Variants in ARHGAP8 observed in about 807,000 individuals in gnomAD.
The protein encoded by ARHGAP8 is rho GTPase-activating protein 8.
In ARHGAP8, 62 loss-of-function variants were observed where a neutral mutation model predicts 46.1. The observed-to-expected ratio is 1.34, with a 90% CI of 1.10 to 1.66. The LOEUF (loss-of-function observed/expected upper bound fraction) is 1.66, where lower values mean the gene tolerates loss of function less well. Ranked by LOEUF, ARHGAP8 falls within the 40% of genes most tolerant of loss-of-function variation. The pLI is 0.00. For synonymous variants in ARHGAP8, 375 were observed against 243.1 expected (o/e 1.54, Z -5.05); for missense variants, 923 against 568.4 (o/e 1.62, Z -6.34).
At chr22:44,815,344 G>C (rs533835585) in intron 5 of ARHGAP8, among the ~76,000 whole-genome samples, 1 of 152,084 alleles carries the variant, frequency 6.6e-6, no homozygotes, top group Non-Finnish European at 1.5e-5. Flanking sequence ...GCATCCACCC[G>C]GCTGACCTCA....
At position 44,831,303 on chromosome 22, in the gene ARHGAP8, G is replaced by T. The variant is rs547330061; in HGVS notation, c.596+5710G>T. On this transcript the variant is annotated intron_variant, in intron 7 of 11. Coordinates refer to ENST00000356099, the MANE Select transcript of ARHGAP8 (RefSeq NM_181335.3). ...CAAGAGTTTTACCACTTAGGGGTTA[G>T]ATTTGGGTCTTTGATACATTTTGAG... Among the ~76,000 whole-genome samples the T allele has an allele frequency of 4.6e-4, 70 of 152,308 alleles. 1 individual carries two copies. Among genetic ancestry groups the T allele is most frequent in the Non-Finnish European group, 7.9e-4 (54 of 68,030 alleles).
In ARHGAP8 at chr22:44,849,074, C is replaced by G. The variant is rs2070032549; in HGVS notation, c.877+14C>G. On this transcript the variant is annotated intron_variant, in intron 10 of 11. Coordinates refer to ENST00000356099, the MANE Select transcript of ARHGAP8 (RefSeq NM_181335.3). Reference sequence around the variant, plus strand: ...TCGGGATCACCTGTGCGTAGCTGCCCTGGCGCAGGGGTGGGGGGCTTGGTC... The same window carrying G: ...TCGGGATCACCTGTGCGTAGCTGCCGTGGCGCAGGGGTGGGGGGCTTGGTC... 6.2e-7 allele frequency: 1 copy of G among 1,613,502 alleles called. No homozygotes were observed. Among genetic ancestry groups the G allele is most frequent in the Non-Finnish European group, 8.5e-7 (1 of 1,179,962 alleles).
intron 1 of ARHGAP8, among the ~76,000 whole-genome samples, chr22:44,764,508 G>C (rs1925400413): frequency 6.6e-6 from 1 of 152,224 alleles, no homozygotes; most frequent in African/African-American, 2.4e-5. Context: ...GTTCCTTCAT[G>C]TGTTTGACAT....
Position 44,846,168 on chromosome 22 carries a change from A to T in ARHGAP8, c.670+826A>T, listed in dbSNP as rs1602257969. On this transcript the variant is annotated intron_variant, in intron 8 of 11. Transcript: ENST00000356099. ...CGGACTCAGCACCGTGGGCCCCGAG[A>T]CCCCGCCACCGTGTGGTCCCTTGGC... Among the ~76,000 whole-genome samples, 7 of 152,060 alleles carry T rather than the reference A, an allele frequency of 4.6e-5. No homozygotes were observed. In the South Asian group the frequency reaches 1.0e-3, roughly 23 times the overall value.
chr22:44,829,283 TCC>T (rs1930768616), intron 7 of ARHGAP8, among the ~76,000 whole-genome samples: 2 of 140,766 alleles, frequency 1.4e-5, no homozygotes, highest in African/African-American at 2.7e-5. Context: ...AGAGCGAGAC[TCC>T]CTCTCAAAAA....
intron 11 of ARHGAP8, among the ~76,000 whole-genome samples, 182 bp from the exon 12 acceptor site, chr22:44,862,093 G>T (rs140132091): frequency 2.6e-5 from 4 of 152,324 alleles, no homozygotes; most frequent in Non-Finnish European, 5.9e-5. Context: ...TCCTTTTAGA[G>T]ATAGGGTAAC....
In ARHGAP8 at chr22:44,848,024, G is replaced by T. The variant is rs138302998; in HGVS notation, c.722G>T (p.Arg241Leu). 19 of 1,607,662 alleles carry T rather than the reference G, an allele frequency of 1.2e-5. No individual in the cohort carries two copies. The highest frequency in any genetic ancestry group is 1.6e-5 in the Non-Finnish European group (19 of 1,179,962). ...AGATCCGCCAGCGTGCAGACCGTCC[G>T]CGAGATCCAGAGGCTCTACAACCAA... is the stretch of plus-strand genomic sequence containing the variant. ...FRRSASVQTV[R>L]EIQRLYNQGK... is the part of the protein sequence containing the mutation. Residue 241 changes from arginine to leucine, a missense_variant, in exon 9 of 12, where the codon CGC becomes CTC. Transcript: ENST00000356099.
intron 1 of ARHGAP8, among the ~76,000 whole-genome samples, chr22:44,768,558 C>T (rs1022473835): frequency 3.9e-5 from 6 of 152,018 alleles, no homozygotes. Flanking sequence ...TCTCCCGCCT[C>T]AGCCTCCCAA....
In ARHGAP8 at chr22:44,862,387, C is replaced by T. The variant is rs753550836; in HGVS notation, c.1094C>T (p.Pro365Leu). 3.1e-6 allele frequency: 5 copies of T among 1,614,150 alleles called. No homozygotes were observed. Among genetic ancestry groups the T allele is most frequent in the Non-Finnish European group, 4.2e-6 (5 of 1,180,010 alleles). Residue 365 changes from proline (P) to leucine (L), a missense_variant, in exon 12 of 12, where the codon CCC (proline) becomes CTC (leucine). Physicochemically the swap from Pro to Leu is moderately conservative, Grantham distance 98. Coordinates refer to ENST00000356099, the MANE Select transcript of ARHGAP8 (RefSeq NM_181335.3). Reference protein sequence around the residue: ...QGVSSLSALVPLNMFTELLIE... With the variant: ...QGVSSLSALVLLNMFTELLIE... ...GTCTCCTCCCTGAGTGCCCTTGTGC[C>T]CCTGAACATGTTCACTGAACTGCTG...
intron 8 of ARHGAP8, 22 bp downstream of exon 8, chr22:44,845,364 C>G: frequency 1.2e-6 from 2 of 1,613,814 alleles, no homozygotes; most frequent in Non-Finnish European, 1.7e-6. Flanking sequence ...CCGGCTCCAG[C>G]TGGATGACGT....
Position 44,851,269 on chromosome 22 carries a change from C to T in ARHGAP8, c.877+2209C>T, listed in dbSNP as rs1246171867. On this transcript the variant is annotated intron_variant, in intron 10 of 11. Coordinates refer to ENST00000356099, the MANE Select transcript of ARHGAP8 (RefSeq NM_181335.3). ...TTGGGAAGGAAAAAATCCTTTCCTG[C>T]TACCCGTCTTAGGTTCATTGGTGGG... 3.9e-5 allele frequency among the ~76,000 whole-genome samples: 6 copies of T among 152,188 alleles called. 1 individual carries two copies. Among genetic ancestry groups the T allele is most frequent in the Admixed American group, 3.9e-4 (6 of 15,272 alleles).
At chr22:44,809,760 A>G (rs1236022254) in intron 4 of ARHGAP8, 2 of 152,926 alleles carry the variant, frequency 1.3e-5, no homozygotes, top group East Asian at 3.8e-4. Flanking sequence ...TGGATATCCT[A>G]GATTCCTCTG....
At chr22:44,813,037 A>C (rs1929448372) in intron 4 of ARHGAP8, among the ~76,000 whole-genome samples, 1 of 152,058 alleles carries the variant, frequency 6.6e-6, no homozygotes, top group Admixed American at 6.5e-5. Flanking sequence ...CTGGCACAGG[A>C]TATGCCAGGC....
At chr22:44,839,211 T>C (rs1931487825) in intron 7 of ARHGAP8, among the ~76,000 whole-genome samples, 1 of 151,826 alleles carries the variant, frequency 6.6e-6, no homozygotes, top group Admixed American at 6.6e-5. Flanking sequence ...GAAACCAAGA[T>C]GGGAAGGAGG....
chr22:44,836,006 G>A (rs1230606108), intron 7 of ARHGAP8, among the ~76,000 whole-genome samples: 2 of 152,108 alleles, frequency 1.3e-5, no homozygotes, highest in Non-Finnish European at 1.5e-5. Context: ...TGAGCCGTGT[G>A]TGCCAATCTG....
intron 1 of ARHGAP8, among the ~76,000 whole-genome samples, chr22:44,776,659 C>A (rs1926444689): frequency 6.6e-6 from 1 of 152,108 alleles, no homozygotes; most frequent in African/African-American, 2.4e-5. Context: ...GCCCTTTATT[C>A]TGAGTTACTG....
chr22:44,756,751 C>T (rs936691170), intron 1 of ARHGAP8, among the ~76,000 whole-genome samples: 1 of 151,816 alleles, frequency 6.6e-6, no homozygotes, highest in African/African-American at 2.4e-5. Context: ...TTTTTTCCTC[C>T]AGCTTTATTT....
In ARHGAP8 at chr22:44,820,375, T is replaced by G. The variant is rs571273692; in HGVS notation, c.387-1996T>G. ...GCTCTGAAGCGGGCACCTCTGTCCC[T>G]GAGAATGGTTCCTGCAGAGGGGCAA... is the stretch of plus-strand genomic sequence containing the variant. On this transcript the variant is annotated intron_variant, in intron 5 of 11. Coordinates refer to ENST00000356099, the MANE Select transcript of ARHGAP8 (RefSeq NM_181335.3). Among the ~76,000 whole-genome samples, 23 of 152,288 alleles carry G rather than the reference T, an allele frequency of 1.5e-4. No homozygotes were observed. The South Asian group carries it at 4.6e-3, about 30-fold the overall frequency.
At chr22:44,799,393 G>C (rs188486910) in intron 2 of ARHGAP8, among the ~76,000 whole-genome samples, 7 of 152,234 alleles carry the variant, frequency 4.6e-5, no homozygotes, top group Admixed American at 2.0e-4. Flanking sequence ...TTGCGGATGC[G>C]GGGGGCAACA....
Sources: allele counts gnomAD v4.1 joint callset (sites outside exome capture counted in the v4.1 genomes callset), GRCh38; gene constraint gnomAD v4.1.1; transcripts MANE v1.5; gene names NCBI Gene and HGNC (gene_info 2026-07-23, HGNC 2026-07-21).